Variants in COP1 observed in about 807,000 individuals in gnomAD.
The protein encoded by COP1 is E3 ubiquitin-protein ligase COP1.
A neutral mutation model predicts 101.3 loss-of-function variants in COP1; 24 were observed. That is an observed-to-expected ratio of 0.24 (90% CI 0.17 to 0.33). COP1 has a LOEUF of 0.33. Ranked by LOEUF, COP1 falls within the 10% of genes least tolerant of loss-of-function variation. The pLI, the probability that COP1 is intolerant of heterozygous loss-of-function variation, is 1.00. For synonymous variants in COP1, 347 were observed against 341.9 expected, an observed-to-expected ratio of 1.01 and a Z score of -0.17; for missense variants, 663 against 906.2, an observed-to-expected ratio of 0.73 and a Z score of 3.45.
chr1:176,087,979 A>T (rs997511346), intron 9 of COP1, among the ~76,000 whole-genome samples: 1 of 152,210 alleles, frequency 6.6e-6, no homozygotes, highest in Non-Finnish European at 1.5e-5. Context: ...GCTGGAAACC[A>T]TCATTCTCAG....
intron 3 of COP1, among the ~76,000 whole-genome samples, chr1:176,165,991 A>G (rs1695081207): frequency 6.6e-6 from 1 of 152,260 alleles, no homozygotes; most frequent in Non-Finnish European, 1.5e-5. Flanking sequence ...AATACTTTAC[A>G]TGAATATGCC....
chr1:175,978,273 G>A (rs1211325912), intron 18 of COP1, among the ~76,000 whole-genome samples: 1 of 151,986 alleles, frequency 6.6e-6, no homozygotes, highest in East Asian at 1.9e-4. Context: ...TCTAATGTAG[G>A]TCAAACTCTA....
chr1:175,954,871 A>C (rs1480404037), intron 18 of COP1, among the ~76,000 whole-genome samples: 4 of 152,212 alleles, frequency 2.6e-5, no homozygotes, highest in African/African-American at 7.2e-5. Context: ...AAAAAGAATA[A>C]TGCATCATGT....
At chr1:176,094,811 A>G (rs776547231) in intron 9 of COP1, among the ~76,000 whole-genome samples, 10 of 152,216 alleles carry the variant, frequency 6.6e-5, no homozygotes, top group Admixed American at 1.3e-4. Context: ...TACACATATA[A>G]CTACTTTAAT....
At chr1:176,050,949 T>C (rs1672439569) in intron 11 of COP1, among the ~76,000 whole-genome samples, 1 of 152,174 alleles carries the variant, frequency 6.6e-6, no homozygotes, top group Non-Finnish European at 1.5e-5. Context: ...TCAATGAACA[T>C]ATACACAGGC....
intron 18 of COP1, among the ~76,000 whole-genome samples, chr1:175,985,064 C>G (rs567714494): frequency 6.6e-6 from 1 of 152,266 alleles, no homozygotes; most frequent in African/African-American, 2.4e-5. Context: ...GCTGGGAAGG[C>G]ATGATCAGTT....
chr1:176,184,688 T>C lies in COP1; in HGVS notation c.412A>G (p.Ile138Val). 1 of 1,604,422 alleles carries C rather than the reference T, an allele frequency of 6.2e-7. No individual in the cohort carries two copies. Among genetic ancestry groups the C allele is most frequent in the Non-Finnish European group, 8.5e-7 (1 of 1,175,340 alleles). Residue 138 changes from isoleucine (I) to valine (V), a missense_variant, in exon 2 of 20, where the codon ATC (isoleucine) becomes GTC (valine). By Grantham distance (29) the Ile-to-Val change is conservative. Transcript: ENST00000367669. ...EDKSNDFVCP[I>V]CFDMIEEAYM... is the part of the protein sequence containing the mutation. ...GCTTCTTCAATCATATCAAAGCAGA[T>C]GGGGCTAAAAAGAAAAGAAAAATAA...
At chr1:176,062,341 G>A (rs1572008212) in intron 11 of COP1, among the ~76,000 whole-genome samples, 1 of 152,010 alleles carries the variant, frequency 6.6e-6, no homozygotes, top group Non-Finnish European at 1.5e-5. Flanking sequence ...CAAAAGATTT[G>A]AATAGACAAT....
intron 18 of COP1, among the ~76,000 whole-genome samples, chr1:175,971,621 C>T (rs1653259125): frequency 6.6e-6 from 1 of 152,092 alleles, no homozygotes; most frequent in Non-Finnish European, 1.5e-5. Flanking sequence ...AATACCTTGC[C>T]CTATGCATCT....
chr1:176,099,083 G>A (rs934815165), intron 9 of COP1, among the ~76,000 whole-genome samples: 15 of 152,154 alleles, frequency 9.9e-5, no homozygotes, highest in African/African-American at 3.6e-4. Context: ...AAACCACAGA[G>A]ATAATCAAAC....
chr1:175,977,349 A>G (rs540976240), intron 18 of COP1, among the ~76,000 whole-genome samples: 25 of 152,316 alleles, frequency 1.6e-4, no homozygotes, highest in African/African-American at 6.0e-4. Flanking sequence ...TAATCTGCAT[A>G]TCTAGTTAAA....
intron 9 of COP1, among the ~76,000 whole-genome samples, chr1:176,112,040 A>G (rs969872050): frequency 3.3e-5 from 5 of 152,190 alleles, no homozygotes; most frequent in African/African-American, 7.2e-5. Context: ...CTCTTCTTCC[A>G]TAAGTATTTT....
intron 15 of COP1, among the ~76,000 whole-genome samples, chr1:176,007,771 T>C (rs1663692065): frequency 1.3e-5 from 2 of 152,200 alleles, no homozygotes; most frequent in Admixed American, 6.5e-5. Flanking sequence ...GACATTTAAG[T>C]CTGCAGAGGT....
intron 18 of COP1, among the ~76,000 whole-genome samples, chr1:175,985,054 G>A (rs769526509): frequency 6.6e-6 from 1 of 152,182 alleles, no homozygotes; most frequent in Non-Finnish European, 1.5e-5. Flanking sequence ...TTGGGAGACT[G>A]CTGGGAAGGC....
At chr1:176,164,221 C>G (rs1452176562) in intron 3 of COP1, among the ~76,000 whole-genome samples, 1 of 152,182 alleles carries the variant, frequency 6.6e-6, no homozygotes, top group African/African-American at 2.4e-5. Context: ...CATATGGTAA[C>G]AAGGCATGAG....
At position 175,950,266 on chromosome 1, in the gene COP1, T is replaced by C. The variant is rs150767645; in HGVS notation, c.2134-3027A>G. ...TTGAATGCCAGTTTGAATGGTCTTT[T>C]AGGACTGAAATTTAATGAAAGAAAA... On this transcript the variant is annotated intron_variant, in intron 18 of 19. Coordinates refer to ENST00000367669, the MANE Select transcript of COP1 (RefSeq NM_022457.7). Among the ~76,000 whole-genome samples, 686 of 152,202 alleles carry C rather than the reference T, an allele frequency of 4.5e-3. 8 individuals carry two copies. Among genetic ancestry groups the C allele is most frequent in the African/African-American group, 0.015 (644 of 41,552 alleles).
At chr1:176,178,287 ACT>A (rs1175175393) in intron 2 of COP1, among the ~76,000 whole-genome samples, 4 of 151,602 alleles carry the variant, frequency 2.6e-5, no homozygotes, top group Non-Finnish European at 5.9e-5. Context: ...ACAAAATTTA[ACT>A]CTTTTTTTAA....
rs540544277 is a variant in COP1, at chr1:176,007,243, T to C, written c.1730-17764A>G. On this transcript the variant is annotated intron_variant, in intron 15 of 19. Transcript: ENST00000367669. ...TATTGGTTATTCTAGTTATACATTCTTCTAAATTTTTTTCAATGTTTTCAA... is the reference window on the plus strand; with the variant it reads ...TATTGGTTATTCTAGTTATACATTCCTCTAAATTTTTTTCAATGTTTTCAA... 5.9e-5 allele frequency among the ~76,000 whole-genome samples: 9 copies of C among 152,234 alleles called. No homozygotes were observed. In the South Asian group the frequency reaches 1.9e-3, roughly 32 times the overall value.
At chr1:175,950,013 C>T (rs1649671621) in intron 18 of COP1, among the ~76,000 whole-genome samples, 1 of 151,878 alleles carries the variant, frequency 6.6e-6, no homozygotes, top group Non-Finnish European at 1.5e-5. Flanking sequence ...GTTGGATTAC[C>T]ACACAAGAGG....
Sources: allele counts gnomAD v4.1 joint callset (sites outside exome capture counted in the v4.1 genomes callset), GRCh38; gene constraint gnomAD v4.1.1; transcripts MANE v1.5; gene names NCBI Gene and HGNC (gene_info 2026-07-23, HGNC 2026-07-21).